The following BCKDHA variants were observed in gnomAD, a reference collection of about 807,000 sequenced individuals.
BCKDHA encodes branched chain keto acid dehydrogenase E1 subunit alpha, also known as 2-oxoisovalerate dehydrogenase subunit alpha, mitochondrial.
BCKDHA carries 43 observed loss-of-function variants against 52.2 expected under a neutral mutation model. The observed-to-expected ratio is 0.82, with a 90% CI of 0.64 to 1.06. The LOEUF is 1.06. Among genes scored for constraint, BCKDHA ranks in the 50% least tolerant of loss-of-function variants. BCKDHA has a pLI of 0.00. For missense variants in BCKDHA, 527 were observed against 621.3 expected (o/e 0.85, Z 1.61); for synonymous variants, 234 against 247.9 (o/e 0.94, Z 0.53).
At chr19:41,406,500 C>T (rs904019214) in intron 1 of BCKDHA, among the ~76,000 whole-genome samples, 9 of 152,034 alleles carry the variant, frequency 5.9e-5, no homozygotes, top group Admixed American at 5.9e-4. Flanking sequence ...TGGGCTCAAG[C>T]CATCCTCTCA....
intron 5 of BCKDHA, among the ~76,000 whole-genome samples, chr19:41,421,167 C>A (rs966363945): frequency 1.1e-4 from 17 of 152,188 alleles, no homozygotes; most frequent in African/African-American, 4.1e-4. Context: ...TGGGGCGTGG[C>A]CCTAACCTTC....
At chr19:41,407,005 G>GGCAT (rs2039200551) in intron 1 of BCKDHA, among the ~76,000 whole-genome samples, 1 of 152,202 alleles carries the variant, frequency 6.6e-6, no homozygotes, top group East Asian at 1.9e-4. Flanking sequence ...TGGGATTACA[G>GGCAT]GCATGAGCCG....
intron 1 of BCKDHA, among the ~76,000 whole-genome samples, chr19:41,409,690 G>A (rs2039230677): frequency 6.6e-6 from 1 of 151,894 alleles, no homozygotes; most frequent in African/African-American, 2.4e-5. Context: ...TTTTATTCAT[G>A]TGATCTTGTT....
intron 1 of BCKDHA, among the ~76,000 whole-genome samples, chr19:41,402,702 C>T (rs946322753): frequency 9.9e-5 from 15 of 152,230 alleles, no homozygotes; most frequent in African/African-American, 3.4e-4. Flanking sequence ...AGTGCAGTGG[C>T]GTGATTTCTG....
intron 3 of BCKDHA, among the ~76,000 whole-genome samples, chr19:41,412,601 C>A (rs933295946): frequency 2.9e-4 from 44 of 151,700 alleles, no homozygotes; most frequent in African/African-American, 1.0e-3. Context: ...TGGTCTCGAA[C>A]TCCCTACCTC....
Position 41,424,826 on chromosome 19 carries a change from C to T in BCKDHA, c.*218C>T, listed in dbSNP as rs988642889. The T allele has an allele frequency of 7.2e-6, 4 of 552,432 alleles. No homozygotes were observed. The African/African-American group carries it at 7.5e-5, about 10-fold the overall frequency. 34.2% of individuals were successfully genotyped at this position (552,432 alleles called of 1,614,324 possible). A position where few individuals can be genotyped will look rare whatever the true frequency, so the allele number is the denominator to read the frequency against. On this transcript the variant is annotated 3_prime_UTR_variant, in exon 9 of 9. Coordinates refer to ENST00000269980, the MANE Select transcript of BCKDHA (RefSeq NM_000709.4). ...GCAGCAGTTGCTGAGGCTCCGTCAG[C>T]CCCCTCTTCACCTGTTGTTACAGTG...
Position 41,424,600 on chromosome 19 carries a change from G to C in BCKDHA, c.1330G>C (p.Asp444His), listed in dbSNP as rs539261230. ...YGEHYPLDHF[D>H]K ...GGAGCACTACCCACTGGATCACTTCGATAAGTGAGACCTGCTCAGCCCACC... is the reference window on the plus strand; with the variant it reads ...GGAGCACTACCCACTGGATCACTTCCATAAGTGAGACCTGCTCAGCCCACC... The change falls in exon 9 of 9, where the codon GAT becomes CAT. Residue 444 changes from aspartate to histidine, a missense_variant. By Grantham distance (81) the Asp-to-His change is moderately conservative. Coordinates refer to ENST00000269980, the MANE Select transcript of BCKDHA (RefSeq NM_000709.4). The C allele has an allele frequency of 1.2e-6, 2 of 1,601,972 alleles. No individual in the cohort carries two copies. The highest frequency in any genetic ancestry group is 1.7e-5 in the Admixed American group (1 of 59,544).
chr19:41,412,036 C>A (rs1331244360), intron 3 of BCKDHA, among the ~76,000 whole-genome samples: 1 of 152,190 alleles, frequency 6.6e-6, no homozygotes, highest in Non-Finnish European at 1.5e-5. Context: ...CCGGGGTGTC[C>A]CTCAGGGTGC....
chr19:41,398,011 C>A, intron 1 of BCKDHA, 76 bp downstream of exon 1: 1 of 1,287,492 alleles, frequency 7.8e-7, no homozygotes, highest in Non-Finnish European at 1.1e-6. Flanking sequence ...TGTGGGGTCC[C>A]TGAAGGATAT....
Position 41,410,964 on chromosome 19 carries a change from A to G in BCKDHA, c.330A>G (p.Thr110=). 6.2e-7 allele frequency: 1 copy of G among 1,614,076 alleles called. No individual in the cohort carries two copies. Among genetic ancestry groups the G allele is most frequent in the South Asian group, 1.1e-5 (1 of 91,078 alleles). The part of the protein sequence containing the change: ...EKVLKLYKSM[T]LLNTMDRILY... ...TGCTGAAGCTCTACAAGAGCATGAC[A>G]CTGCTTAACACCATGGACCGCATCC... The change falls in exon 3 of 9, where the codon ACA becomes ACG. Residue 110 remains threonine, a synonymous_variant. Coordinates refer to ENST00000269980, the MANE Select transcript of BCKDHA (RefSeq NM_000709.4).
chr19:41,401,075 TTTTG>T (rs532336492), intron 1 of BCKDHA, among the ~76,000 whole-genome samples: 3,399 of 94,086 alleles, frequency 0.036, 121 homozygotes, highest in African/African-American at 0.13. Flanking sequence ...TTTTGTTTTG[TTTTG>T]TTTTTTGTTT....
intron 1 of BCKDHA, among the ~76,000 whole-genome samples, chr19:41,406,985 C>T (rs2039200409): frequency 6.6e-6 from 1 of 152,218 alleles, no homozygotes; most frequent in Admixed American, 6.5e-5. Flanking sequence ...ACCTCAGCCT[C>T]CCAAAGTACT....
chr19:41,403,447 G>A lies in BCKDHA; in HGVS notation c.108+5512G>A, dbSNP rs144304414. Among the ~76,000 whole-genome samples the A allele has an allele frequency of 5.1e-3, 782 of 152,282 alleles. 11 individuals carry two copies. Among genetic ancestry groups the A allele is most frequent in the African/African-American group, 0.018 (737 of 41,564 alleles). ...CCTTATGGGTTCAGTGAGCACATAGGTGTAAATAAAGTGCTTTGAGTGGCA... is the reference window on the plus strand; with the variant it reads ...CCTTATGGGTTCAGTGAGCACATAGATGTAAATAAAGTGCTTTGAGTGGCA... On this transcript the variant is annotated intron_variant, in intron 1 of 8. Transcript: ENST00000269980.
intron 1 of BCKDHA, chr19:41,400,306 C>T (rs75348131): frequency 6.7e-6 from 1 of 150,194 alleles, no homozygotes; most frequent in Non-Finnish European, 1.5e-5. Flanking sequence ...GTGGCACGAT[C>T]TCGGCTCACT....
At chr19:41,416,636 C>T (rs919070429) in intron 4 of BCKDHA, among the ~76,000 whole-genome samples, 4 of 152,122 alleles carry the variant, frequency 2.6e-5, no homozygotes, top group Non-Finnish European at 5.9e-5. Context: ...AGAGGAAGCA[C>T]GTGCCAGGTG....
At chr19:41,400,885 G>C (rs1396478961) in intron 1 of BCKDHA, among the ~76,000 whole-genome samples, 1 of 151,572 alleles carries the variant, frequency 6.6e-6, no homozygotes, top group Non-Finnish European at 1.5e-5. Context: ...AATGGCGTGT[G>C]CCTGTAGTCC....
chr19:41,416,606 C>T (rs2039310438), intron 4 of BCKDHA, among the ~76,000 whole-genome samples: 1 of 152,102 alleles, frequency 6.6e-6, no homozygotes, highest in Non-Finnish European at 1.5e-5. Context: ...GGGAGTGGCG[C>T]CCGGTGAAAA....
rs2123253682 is a variant in BCKDHA at position 41,410,651 on chromosome 19, G to A, written c.123G>A (p.Gln41=). 2 of 1,614,228 alleles carry A rather than the reference G, an allele frequency of 1.2e-6. No homozygotes were observed. Among genetic ancestry groups the A allele is most frequent in the Non-Finnish European group, 1.7e-6 (2 of 1,180,040 alleles). The part of the protein sequence containing the change: ...RGLARSHPPR[Q]QQQFSSLDDK... ...CTCTTCCCCAGCACCCCCCCAGGCA[G>A]CAGCAGCAGTTTTCATCTCTGGATG... is the stretch of plus-strand genomic sequence containing the variant. The change falls in exon 2 of 9, where the codon CAG becomes CAA. Residue 41 remains glutamine, a synonymous_variant. Coordinates refer to ENST00000269980, the MANE Select transcript of BCKDHA (RefSeq NM_000709.4).
At chr19:41,402,749 T>C (rs2123240687) in intron 1 of BCKDHA, among the ~76,000 whole-genome samples, 1 of 152,328 alleles carries the variant, frequency 6.6e-6, no homozygotes, top group Non-Finnish European at 1.5e-5. Flanking sequence ...TAAGCGATTG[T>C]CCTGCCTCCC....
Sources: allele counts gnomAD v4.1 joint callset (sites outside exome capture counted in the v4.1 genomes callset), GRCh38; gene constraint gnomAD v4.1.1; transcripts MANE v1.5; gene names NCBI Gene and HGNC (gene_info 2026-07-23, HGNC 2026-07-21).